The following CPNE5 variants were observed in gnomAD, a reference collection of about 807,000 sequenced individuals.
CPNE5 encodes the protein copine 5.
CPNE5 carries 42 observed loss-of-function variants against 81.1 expected under a neutral mutation model. That is an observed-to-expected ratio of 0.52 (90% CI 0.40 to 0.67). The LOEUF (loss-of-function observed/expected upper bound fraction) is 0.67. Among genes scored for constraint, CPNE5 ranks in the 30% least tolerant of loss-of-function variants. The pLI, the probability that CPNE5 is intolerant of heterozygous loss-of-function variation, is 0.00. For synonymous variants in CPNE5, 313 were observed against 321.5 expected, an observed-to-expected ratio of 0.97 and a Z score of 0.28; for missense variants, 612 against 815.5, an observed-to-expected ratio of 0.75 and a Z score of 3.04.
intron 9 of CPNE5, 47 bp from the exon 10 acceptor site, chr6:36,775,112 G>A: frequency 2.8e-6 from 4 of 1,441,250 alleles, no homozygotes; most frequent in Non-Finnish European, 2.0e-6. Flanking sequence ...CAAACCCAAG[G>A]GAGGCGAATG....
chr6:36,782,048 A>G (rs1159375843), intron 8 of CPNE5, among the ~76,000 whole-genome samples: 2 of 152,126 alleles, frequency 1.3e-5, no homozygotes, highest in Non-Finnish European at 2.9e-5. Flanking sequence ...GATGACCACC[A>G]CAATCCTTTT....
chr6:36,765,526 A>ATCCTTGTCTCT, intron 10 of CPNE5, 150 bp from the exon 11 acceptor site: 2 of 838,240 alleles, frequency 2.4e-6, no homozygotes, highest in Non-Finnish European at 3.7e-6. Context: ...GGCTTGAGAG[A>ATCCTTGTCTCT]CAAGGATCTC....
At chr6:36,784,897 C>T (rs1315036966) in intron 8 of CPNE5, among the ~76,000 whole-genome samples, 2 of 150,938 alleles carry the variant, frequency 1.3e-5, no homozygotes, top group Non-Finnish European at 2.9e-5. Context: ...CATGATCATG[C>T]CACTGCACTC....
At chr6:36,833,435 C>A (rs532160466) in intron 1 of CPNE5, among the ~76,000 whole-genome samples, 3 of 152,218 alleles carry the variant, frequency 2.0e-5, no homozygotes, top group East Asian at 1.9e-4. Flanking sequence ...GTCACTCATG[C>A]GATTGGGTTA....
intron 1 of CPNE5, among the ~76,000 whole-genome samples, chr6:36,823,947 C>T (rs1433804608): frequency 6.6e-6 from 1 of 152,140 alleles, no homozygotes; most frequent in Non-Finnish European, 1.5e-5. Flanking sequence ...ATCTGGTATC[C>T]CTCGTTTCAC....
intron 3 of CPNE5, among the ~76,000 whole-genome samples, chr6:36,805,185 G>A (rs894558469): frequency 3.9e-5 from 6 of 152,330 alleles, no homozygotes; most frequent in African/African-American, 1.4e-4. Context: ...AAGCCAGAAG[G>A]GACTTGGAGA....
At chr6:36,831,495 A>G (rs1262753919) in intron 1 of CPNE5, among the ~76,000 whole-genome samples, 2 of 152,064 alleles carry the variant, frequency 1.3e-5, no homozygotes, top group Non-Finnish European at 2.9e-5. Flanking sequence ...CTGGGATTAC[A>G]GGCGCCCGCC....
rs544331548 is a variant in CPNE5, at chr6:36,743,060, C to T, written c.1564-574G>A. The stretch of plus-strand genomic sequence containing the variant: ...GTTGTCTTGCTCTGGTTTCCAGCCC[C>T]CTATGTTTGGTCTCCACACCTGGGA... On this transcript the variant is annotated intron_variant, in intron 20 of 20. Coordinates refer to ENST00000244751, the MANE Select transcript of CPNE5 (RefSeq NM_020939.2). The T allele has an allele frequency of 9.8e-5, 97 of 985,446 alleles. No homozygotes were observed. In the African/African-American group the frequency reaches 1.6e-3, roughly 16 times the overall value. The allele number at this position is 985,446 out of a possible 1,614,324, so 61.0% of individuals were successfully genotyped here.
chr6:36,797,791 G>C (rs1346744281), intron 6 of CPNE5, among the ~76,000 whole-genome samples: 1 of 152,160 alleles, frequency 6.6e-6, no homozygotes, highest in Non-Finnish European at 1.5e-5. Flanking sequence ...TAGAGCCCTG[G>C]GTTCAAATCC....
intron 1 of CPNE5, among the ~76,000 whole-genome samples, chr6:36,823,686 T>A (rs1316397805): frequency 6.6e-6 from 1 of 152,156 alleles, no homozygotes; most frequent in African/African-American, 2.4e-5. Flanking sequence ...AGCAGCAAGA[T>A]GATGGACACA....
rs201316358 is a variant in CPNE5 at position 36,798,530 on chromosome 6, C to T, written c.288-36G>A. The T allele has an allele frequency of 9.2e-5, 148 of 1,607,534 alleles. 1 individual carries two copies. In the Admixed American group the frequency reaches 2.2e-3, roughly 23 times the overall value. On this transcript the variant is annotated intron_variant, in intron 4 of 20. Coordinates refer to ENST00000244751, the MANE Select transcript of CPNE5 (RefSeq NM_020939.2). ...CACAGAGAAACGATGAAGGCAGCTGCGGACGTTCTGCCCAATCCTGCCTGG... is the reference window on the plus strand; with the variant it reads ...CACAGAGAAACGATGAAGGCAGCTGTGGACGTTCTGCCCAATCCTGCCTGG...
intron 3 of CPNE5, among the ~76,000 whole-genome samples, chr6:36,811,922 G>A (rs1354519425): frequency 2.0e-5 from 3 of 152,106 alleles, no homozygotes; most frequent in South Asian, 2.1e-4. Flanking sequence ...TGGCCAACAT[G>A]GTGAAACCCC....
At chr6:36,815,311 C>A (rs898370041) in intron 3 of CPNE5, among the ~76,000 whole-genome samples, 2 of 152,182 alleles carry the variant, frequency 1.3e-5, no homozygotes, top group Non-Finnish European at 2.9e-5. Context: ...CCTTTGCACC[C>A]CCAGCATTCA....
chr6:36,839,143 G>T lies in CPNE5; in HGVS notation c.95+140C>A. Reference sequence around the variant, plus strand: ...CAGCTGGACAGGACAGGGGCTCTTGGCAGATCGGCAGGGGCGCAGTCCTGG... The same window carrying T: ...CAGCTGGACAGGACAGGGGCTCTTGTCAGATCGGCAGGGGCGCAGTCCTGG... On this transcript the variant is annotated intron_variant, in intron 1 of 20. Coordinates refer to ENST00000244751, the MANE Select transcript of CPNE5 (RefSeq NM_020939.2). The surrounding 1 kb of genome is among the most constrained non-coding windows in gnomAD (Gnocchi z 7.3). 1.7e-6 allele frequency: 1 copy of T among 589,970 alleles called. No homozygotes were observed. The highest frequency in any genetic ancestry group is 2.8e-6 in the Non-Finnish European group (1 of 351,356). 36.5% of individuals were successfully genotyped at this position (589,970 alleles called of 1,614,324 possible).
chr6:36,818,986 G>C (rs893000310), intron 3 of CPNE5, among the ~76,000 whole-genome samples: 3 of 152,200 alleles, frequency 2.0e-5, no homozygotes, highest in African/African-American at 4.8e-5. Flanking sequence ...ACTTAAGCAG[G>C]CTAAATGTTT....
At chr6:36,764,136 C>G (rs1318315318) in intron 11 of CPNE5, among the ~76,000 whole-genome samples, 2 of 145,092 alleles carry the variant, frequency 1.4e-5, no homozygotes, top group Middle Eastern at 3.5e-3. Context: ...ATTTACAGCT[C>G]TCAGCATTCT....
intron 4 of CPNE5, among the ~76,000 whole-genome samples, chr6:36,798,944 C>A (rs1387899437): frequency 1.3e-5 from 2 of 152,130 alleles, no homozygotes; most frequent in Non-Finnish European, 2.9e-5. Flanking sequence ...TATAGCTTCA[C>A]CCTACCCAGG....
At chr6:36,765,242 G>A in intron 11 of CPNE5, 93 bp downstream of exon 11, 1 of 1,420,380 alleles carries the variant, frequency 7.0e-7, no homozygotes, top group South Asian at 1.2e-5. Flanking sequence ...ACTGCGGGGG[G>A]GAGCCTGGTC....
intron 8 of CPNE5, among the ~76,000 whole-genome samples, chr6:36,785,839 C>G (rs1048174195): frequency 2.2e-4 from 34 of 151,830 alleles, no homozygotes; most frequent in African/African-American, 8.0e-4. Flanking sequence ...ATGGTGAAAC[C>G]CCGTCTCTAC....
Sources: allele counts gnomAD v4.1 joint callset (sites outside exome capture counted in the v4.1 genomes callset), GRCh38; gene constraint gnomAD v4.1.1; non-coding constraint Gnocchi (gnomAD v3.1); transcripts MANE v1.5; gene names NCBI Gene and HGNC (gene_info 2026-07-23, HGNC 2026-07-21).